The following MSRA variants were observed in gnomAD, a reference collection of about 807,000 sequenced individuals.
The protein encoded by MSRA is methionine sulfoxide reductase A.
A neutral mutation model predicts 31.3 loss-of-function variants in MSRA; 54 were observed. The observed-to-expected ratio is 1.73, with a 90% confidence interval of 1.39 to 2.17. MSRA has a LOEUF of 2.17. Ranked by LOEUF, MSRA falls within the 30% of genes most tolerant of loss-of-function variation. The pLI, the probability that MSRA is intolerant of heterozygous loss-of-function variation, is 0.00. For missense variants in MSRA, 507 were observed against 300.9 expected (o/e 1.69, Z -5.07); for synonymous variants, 169 against 116.5 (o/e 1.45, Z -2.90).
intron 1 of MSRA, among the ~76,000 whole-genome samples, chr8:10,081,551 G>A (rs1399373400): frequency 1.3e-5 from 2 of 152,152 alleles, no homozygotes; most frequent in East Asian, 1.9e-4. Context: ...GTGCAGTGGC[G>A]TGATCTCAGT....
At chr8:10,380,793 G>A (rs938668924) in intron 5 of MSRA, among the ~76,000 whole-genome samples, 2 of 152,012 alleles carry the variant, frequency 1.3e-5, no homozygotes, top group African/African-American at 2.4e-5. Context: ...TGAACAGACA[G>A]ATGGGTGGAT....
chr8:10,198,436 C>G (rs1226496702), intron 1 of MSRA, among the ~76,000 whole-genome samples: 1 of 152,050 alleles, frequency 6.6e-6, no homozygotes, highest in Non-Finnish European at 1.5e-5. Flanking sequence ...AATACTGTAT[C>G]TTAGAACTGT....
intron 2 of MSRA, among the ~76,000 whole-genome samples, chr8:10,227,694 C>T (rs910009292): frequency 2.3e-4 from 35 of 152,030 alleles, no homozygotes; most frequent in African/African-American, 8.2e-4. Context: ...AGGGAAGGGG[C>T]TGAAAAGAAA....
At chr8:10,231,712 G>C (rs756694324) in intron 2 of MSRA, among the ~76,000 whole-genome samples, 10 of 152,150 alleles carry the variant, frequency 6.6e-5, no homozygotes, top group Non-Finnish European at 1.2e-4. Flanking sequence ...AGACCAGCCT[G>C]GTCAACATGG....
chr8:10,181,388 G>T lies in MSRA; in HGVS notation c.143-26445G>T, dbSNP rs147039710. On this transcript the variant is annotated intron_variant, in intron 1 of 5. Coordinates refer to ENST00000317173, the MANE Select transcript of MSRA (RefSeq NM_012331.5). ...TCTTGAGATGATCAAAAGACAGCGT[G>T]CAGTATAGCTTGTGCACACGTACCC... Among the ~76,000 whole-genome samples the T allele has an allele frequency of 2.5e-4, 38 of 151,472 alleles. No homozygotes were observed. In the South Asian group the frequency reaches 3.1e-3, roughly 13 times the overall value.
chr8:10,093,728 A>G (rs984398370), intron 1 of MSRA, among the ~76,000 whole-genome samples: 6 of 152,086 alleles, frequency 3.9e-5, no homozygotes, highest in African/African-American at 1.2e-4. Context: ...ATATTTCTTC[A>G]TTGATTTGAT....
chr8:10,231,792 A>G (rs1176370172), intron 2 of MSRA, among the ~76,000 whole-genome samples: 4 of 152,146 alleles, frequency 2.6e-5, no homozygotes, highest in Non-Finnish European at 4.4e-5. Context: ...AGTCCCAACT[A>G]CTTGGGAGGC....
chr8:10,086,883 A>AGAGAGC (rs1003308886), intron 1 of MSRA, among the ~76,000 whole-genome samples: 15 of 150,030 alleles, frequency 1.0e-4, no homozygotes, highest in Non-Finnish European at 1.5e-5. Flanking sequence ...AGAGGGAGAG[A>AGAGAGC]GAGAGGGAGA....
At chr8:10,112,148 G>A (rs574388551) in intron 1 of MSRA, among the ~76,000 whole-genome samples, 2 of 152,038 alleles carry the variant, frequency 1.3e-5, no homozygotes, top group Admixed American at 6.5e-5. Flanking sequence ...ACAGTCCTGC[G>A]CTGTCTCCTT....
At chr8:10,323,296 C>T (rs1802162548) in intron 5 of MSRA, among the ~76,000 whole-genome samples, 1 of 150,958 alleles carries the variant, frequency 6.6e-6, no homozygotes, top group Non-Finnish European at 1.5e-5. Context: ...ATAACTACTA[C>T]TAAAAGTCAC....
intron 1 of MSRA, among the ~76,000 whole-genome samples, chr8:10,101,085 A>G (rs1799500310): frequency 3.3e-5 from 5 of 152,230 alleles, no homozygotes; most frequent in Admixed American, 2.0e-4. Context: ...TTTGAAACAA[A>G]TAGTCCTTTA....
chr8:10,368,588 A>G (rs1805300455), intron 5 of MSRA, among the ~76,000 whole-genome samples: 1 of 152,222 alleles, frequency 6.6e-6, no homozygotes, highest in Admixed American at 6.5e-5. Context: ...GAATCTCTAG[A>G]TGCAAGTTTA....
chr8:10,133,897 C>G (rs963009110), intron 1 of MSRA, among the ~76,000 whole-genome samples: 60 of 152,136 alleles, frequency 3.9e-4, no homozygotes, highest in African/African-American at 1.4e-3. Context: ...GTGTCACAAT[C>G]TCGGCTCACT....
At chr8:10,072,305 AT>A (rs34457495) in intron 1 of MSRA, among the ~76,000 whole-genome samples, 143,308 of 145,354 alleles carry the variant, frequency 0.99, 70,642 homozygotes, top group Middle Eastern at 0.99. Flanking sequence ...CTTTCGCAAC[AT>A]TTTTTTTTTT....
At chr8:10,315,607 C>T (rs1585443599) in intron 4 of MSRA, among the ~76,000 whole-genome samples, 1 of 152,294 alleles carries the variant, frequency 6.6e-6, no homozygotes, top group South Asian at 2.1e-4. Flanking sequence ...CTAATATGAA[C>T]ACTATCCATG....
At chr8:10,353,680 T>C (rs770553335) in intron 5 of MSRA, 18 of 455,904 alleles carry the variant, frequency 3.9e-5, no homozygotes, top group Admixed American at 7.1e-5. Flanking sequence ...GGAAGATGAG[T>C]ATAGGGACTC....
chr8:10,091,642 T>G (rs929170336), intron 1 of MSRA, among the ~76,000 whole-genome samples: 1 of 151,876 alleles, frequency 6.6e-6, no homozygotes, highest in Admixed American at 6.6e-5. Flanking sequence ...ATTTTGCTCT[T>G]ATCACCCAGG....
chr8:10,101,358 T>A (rs1477347124), intron 1 of MSRA, among the ~76,000 whole-genome samples: 1 of 152,258 alleles, frequency 6.6e-6, no homozygotes, highest in Non-Finnish European at 1.5e-5. Context: ...ATTATTTTTT[T>A]AATTTTTAGA....
At chr8:10,237,406 C>G (rs1040031825) in intron 2 of MSRA, among the ~76,000 whole-genome samples, 1 of 152,156 alleles carries the variant, frequency 6.6e-6, no homozygotes, top group Non-Finnish European at 1.5e-5. Flanking sequence ...TATATGTTGA[C>G]TAAATTTACA....
Sources: allele counts gnomAD v4.1 joint callset (sites outside exome capture counted in the v4.1 genomes callset), GRCh38; gene constraint gnomAD v4.1.1; transcripts MANE v1.5; gene names NCBI Gene and HGNC (gene_info 2026-07-23, HGNC 2026-07-21).